Variants in PALM2AKAP2 observed in about 807,000 individuals in gnomAD.
PALM2AKAP2 encodes PALM2-AKAP2 fusion protein.
PALM2AKAP2 carries 37 observed loss-of-function variants against 71.5 expected under a neutral mutation model. The observed-to-expected ratio is 0.52, with a 90% CI of 0.40 to 0.68. The LOEUF is 0.68. Ranked by LOEUF, PALM2AKAP2 falls within the 30% of genes least tolerant of loss-of-function variation. The pLI is 0.00. For synonymous variants in PALM2AKAP2, 468 were observed against 478.8 expected (o/e 0.98, Z 0.29); for missense variants, 1,224 against 1,191.8 (o/e 1.03, Z -0.40).
chr9:109,741,858 C>T (rs907953713), intron 1 of PALM2AKAP2, among the ~76,000 whole-genome samples: 1 of 152,048 alleles, frequency 6.6e-6, no homozygotes, highest in Non-Finnish European at 1.5e-5. Flanking sequence ...CTGTATTTTC[C>T]CATTGAATTG....
At chr9:109,947,320 T>C (rs565052443) in intron 6 of PALM2AKAP2, among the ~76,000 whole-genome samples, 1 of 152,366 alleles carries the variant, frequency 6.6e-6, no homozygotes, top group South Asian at 2.1e-4. Flanking sequence ...GTCAAGTTTT[T>C]ATAAAAGGAG....
At chr9:109,701,217 T>C (rs1016583672) in intron 1 of PALM2AKAP2, among the ~76,000 whole-genome samples, 14 of 152,348 alleles carry the variant, frequency 9.2e-5, no homozygotes, top group Admixed American at 2.6e-4. Context: ...TACCAATGAC[T>C]TTCTTCACAG....
At chr9:110,120,666 G>C (rs1394499782) in intron 1 of PALM2AKAP2, among the ~76,000 whole-genome samples, 1 of 152,220 alleles carries the variant, frequency 6.6e-6, no homozygotes, top group Non-Finnish European at 1.5e-5. Flanking sequence ...ACTACACCCG[G>C]CTAATTTTTG....
intron 2 of PALM2AKAP2, among the ~76,000 whole-genome samples, chr9:110,144,496 C>G (rs1836113802): frequency 6.6e-6 from 1 of 152,156 alleles, no homozygotes; most frequent in Non-Finnish European, 1.5e-5. Context: ...TCCCAACAGC[C>G]CTCTAAGATA....
intron 1 of PALM2AKAP2, among the ~76,000 whole-genome samples, chr9:109,833,004 G>A (rs4978852): frequency 0.16 from 24,873 of 152,116 alleles, 2,245 homozygotes; most frequent in South Asian, 0.32. Context: ...TTCCTCATGC[G>A]AGAGCTGTTG....
At chr9:109,741,026 CA>C (rs1751608630) in intron 1 of PALM2AKAP2, among the ~76,000 whole-genome samples, 1 of 152,156 alleles carries the variant, frequency 6.6e-6, no homozygotes, top group Admixed American at 6.5e-5. Context: ...GCACAGATCT[CA>C]AATTTGTTTT....
chr9:110,091,683 T>C lies in PALM2AKAP2; in HGVS notation c.156+42828T>C, dbSNP rs550046651. ...TTCACCGTGTTAGCCAGGATGGTCT[T>C]GATCTCCTGACCTCATGATCTGCCC... On this transcript the variant is annotated intron_variant, in intron 1 of 3. Coordinates refer to ENST00000374525, the Ensembl canonical transcript of PALM2AKAP2. Among the ~76,000 whole-genome samples the C allele has an allele frequency of 5.5e-3, 838 of 152,124 alleles. 6 individuals are homozygous for C. Among genetic ancestry groups the C allele is most frequent in the African/African-American group, 0.011 (465 of 41,520 alleles).
intron 7 of PALM2AKAP2, among the ~76,000 whole-genome samples, chr9:110,023,475 C>T (rs972922097): frequency 3.3e-5 from 5 of 151,658 alleles, no homozygotes; most frequent in East Asian, 1.9e-4. Context: ...CCACCACGCC[C>T]GGATAATTTT....
chr9:109,765,366 AT>A (rs2118748101), intron 1 of PALM2AKAP2: 1 of 152,436 alleles, frequency 6.6e-6, no homozygotes, highest in Admixed American at 6.5e-5. Flanking sequence ...GATGAGTTAA[AT>A]ACTAGTAAGA....
intron 1 of PALM2AKAP2, among the ~76,000 whole-genome samples, chr9:110,089,105 G>C (rs571646646): frequency 6.6e-6 from 1 of 152,286 alleles, no homozygotes; most frequent in Non-Finnish European, 1.5e-5. Context: ...TCAGTAACCA[G>C]CCTATGGCTA....
chr9:110,171,573 G>A (rs945883334), exon 4 of PALM2AKAP2: 3 of 152,122 alleles, frequency 2.0e-5, no homozygotes, highest in East Asian at 1.9e-4. Context: ...TTGGGCCACC[G>A]CTTTGTACAT....
intron 1 of PALM2AKAP2, among the ~76,000 whole-genome samples, chr9:109,852,638 G>T (rs1829052717): frequency 6.6e-6 from 1 of 152,152 alleles, no homozygotes; most frequent in Admixed American, 6.5e-5. Flanking sequence ...GAACTAATTT[G>T]CACTCCCAAA....
upstream of PALM2AKAP2, among the ~76,000 whole-genome samples, chr9:109,778,014 TC>T (rs1371586613): frequency 6.6e-6 from 1 of 152,156 alleles, no homozygotes; most frequent in African/African-American, 2.4e-5. Flanking sequence ...CTTCTCCATC[TC>T]CCCATTCCAT....
intron 2 of PALM2AKAP2, among the ~76,000 whole-genome samples, chr9:109,875,072 C>G (rs1217863787): frequency 6.6e-6 from 1 of 152,174 alleles, no homozygotes; most frequent in Non-Finnish European, 1.5e-5. Context: ...TAATCTGGCC[C>G]CTGCCTTCTT....
intron 1 of PALM2AKAP2, among the ~76,000 whole-genome samples, chr9:109,802,725 A>G (rs537734988): frequency 3.4e-4 from 52 of 152,194 alleles, no homozygotes; most frequent in South Asian, 6.2e-4. Flanking sequence ...AGTCTGGAGA[A>G]CTAGTCATAT....
At chr9:109,849,576 C>A (rs757541952) in intron 1 of PALM2AKAP2, among the ~76,000 whole-genome samples, 2 of 151,976 alleles carry the variant, frequency 1.3e-5, no homozygotes, top group Admixed American at 6.6e-5. Flanking sequence ...GGTGAAACTC[C>A]GTCTCTACTA....
In PALM2AKAP2 at chr9:109,920,120, G is replaced by A. The variant is rs1019585135; in HGVS notation, c.258-3615G>A. 3.3e-5 allele frequency among the ~76,000 whole-genome samples: 5 copies of A among 152,146 alleles called. No individual in the cohort carries two copies. The East Asian group carries it at 9.6e-4, about 29-fold the overall frequency. ...AAGTTATTGTCTTGGCATTGGAAGG[G>A]GTGCAAGAGGACAAGCTCAACTGGG... On this transcript the variant is annotated intron_variant, in intron 3 of 9. Coordinates refer to the PALM2AKAP2 transcript ENST00000302798.
At chr9:109,958,022 C>T (rs1831781207) in intron 6 of PALM2AKAP2, among the ~76,000 whole-genome samples, 1 of 152,074 alleles carries the variant, frequency 6.6e-6, no homozygotes, top group Admixed American at 6.6e-5. Flanking sequence ...TTTCAATTCA[C>T]CAAGCCTCAG....
At chr9:109,872,774 C>A (rs1204877063) in intron 2 of PALM2AKAP2, among the ~76,000 whole-genome samples, 1 of 152,118 alleles carries the variant, frequency 6.6e-6, no homozygotes, top group African/African-American at 2.4e-5. Flanking sequence ...GTGTCTTTCC[C>A]GGTTTTGAAC....
Sources: gnomAD v4.1 joint callset for allele counts (sites outside exome capture counted in the v4.1 genomes callset) on GRCh38, gnomAD v4.1.1 for gene constraint, MANE v1.5 for transcripts, NCBI Gene and HGNC (gene_info 2026-07-23, HGNC 2026-07-21) for gene names.